The following SVIL variants were observed in gnomAD, a reference collection of about 807,000 sequenced individuals.
SVIL encodes supervillin, also known as archvillin.
In SVIL, 101 loss-of-function variants were observed where a neutral mutation model predicts 240.4. The ratio of observed to expected loss-of-function variants is 0.42; its 90% CI spans 0.36 to 0.50. The LOEUF (loss-of-function observed/expected upper bound fraction) is 0.50. Ranked by LOEUF, SVIL falls within the 20% of genes least tolerant of loss-of-function variation. SVIL has a pLI of 0.01. For synonymous variants in SVIL, 999 were observed against 1,100.0 expected, an observed-to-expected ratio of 0.91 and a Z score of 1.82; for missense variants, 2,512 against 2,818.7, an observed-to-expected ratio of 0.89 and a Z score of 2.46.
Position 29,522,452 on chromosome 10 carries a change from C to A in SVIL, c.3347G>T (p.Gly1116Val). The A allele has an allele frequency of 6.2e-7, 1 of 1,614,148 alleles. No individual in the cohort carries two copies. Among genetic ancestry groups the A allele is most frequent in the Non-Finnish European group, 8.5e-7 (1 of 1,180,030 alleles). Residue 1116 changes from glycine to valine, a missense_variant, in exon 16 of 38, where the codon GGC (glycine) becomes GTC (valine). This residue lies in a region of SVIL where 1,443 missense variants were observed against 1,486.6 expected (regional missense o/e 0.97). Transcript: ENST00000355867. ...GGTTTTGCTGGGTGAGTCAAGAAGG[C>A]CCTCCCCTGTCGGCGTTTTGATCTC... ...AGEIKTPTGE[G>V]LLDSPSKTMS...
chr10:29,475,762 T>C (rs1205297724), intron 29 of SVIL, among the ~76,000 whole-genome samples: 2 of 152,130 alleles, frequency 1.3e-5, no homozygotes, highest in Admixed American at 1.3e-4. Context: ...CAGCAGTTGG[T>C]GGGAACACCC....
At chr10:29,574,875 G>C (rs180811493) in intron 1 of SVIL, among the ~76,000 whole-genome samples, 2 of 152,310 alleles carry the variant, frequency 1.3e-5, no homozygotes, top group African/African-American at 4.8e-5. Context: ...GTCTAGTTTT[G>C]ATCCCACAGA....
At chr10:29,460,807 G>A (rs2132264258) in intron 36 of SVIL, among the ~76,000 whole-genome samples, 1 of 152,302 alleles carries the variant, frequency 6.6e-6, no homozygotes, top group East Asian at 1.9e-4. Context: ...CTGGGAGGCT[G>A]ATGTGGGAGG....
intron 2 of SVIL, among the ~76,000 whole-genome samples, chr10:29,564,660 G>A (rs1480854036): frequency 1.3e-5 from 2 of 151,940 alleles, no homozygotes; most frequent in Admixed American, 1.3e-4. Context: ...CTTCCACACA[G>A]TCCAAAGCAC....
At chr10:29,610,162 A>T (rs966022969) in intron 1 of SVIL, among the ~76,000 whole-genome samples, 1 of 151,816 alleles carries the variant, frequency 6.6e-6, no homozygotes, top group Non-Finnish European at 1.5e-5. Context: ...GTTCTTGCAG[A>T]TCTCTATCTC....
intron 17 of SVIL, among the ~76,000 whole-genome samples, chr10:29,505,267 G>A (rs1414795432): frequency 3.3e-5 from 5 of 151,986 alleles, no homozygotes; most frequent in Non-Finnish European, 5.9e-5. Context: ...TGGAGGTTGC[G>A]GTGAGCTAAG....
At chr10:29,717,300 T>A (rs1963688902) in intron 1 of SVIL, among the ~76,000 whole-genome samples, 1 of 134,598 alleles carries the variant, frequency 7.4e-6, no homozygotes, top group African/African-American at 2.7e-5. Context: ...TTCACAGATA[T>A]CACACACTAT....
chr10:29,469,993 G>C (rs1044815423), intron 32 of SVIL, among the ~76,000 whole-genome samples: 11 of 152,216 alleles, frequency 7.2e-5, no homozygotes, highest in African/African-American at 2.4e-4. Context: ...CAACTATGAA[G>C]AAAGAACCCA....
intron 3 of SVIL, among the ~76,000 whole-genome samples, chr10:29,650,307 T>TG (rs1958795918): frequency 6.6e-6 from 1 of 152,082 alleles, no homozygotes; most frequent in Non-Finnish European, 1.5e-5. Flanking sequence ...TAAAGAAGCG[T>TG]GGGGAAAGAA....
At chr10:29,674,064 A>T (rs532931424) in intron 2 of SVIL, among the ~76,000 whole-genome samples, 1 of 152,274 alleles carries the variant, frequency 6.6e-6, no homozygotes, top group South Asian at 2.1e-4. Context: ...AGCACAGTGG[A>T]TCACACCTGT....
At chr10:29,564,873 C>T (rs1954835694) in intron 2 of SVIL, among the ~76,000 whole-genome samples, 1 of 152,190 alleles carries the variant, frequency 6.6e-6, no homozygotes, top group Admixed American at 6.5e-5. Context: ...TTAGAATTAG[C>T]ACCGACTTCT....
intron 2 of SVIL, among the ~76,000 whole-genome samples, chr10:29,674,066 C>T (rs551274818): frequency 1.3e-5 from 2 of 152,166 alleles, no homozygotes; most frequent in South Asian, 4.1e-4. Flanking sequence ...CACAGTGGAT[C>T]ACACCTGTAA....
At chr10:29,608,462 G>A (rs1221157105) in intron 1 of SVIL, among the ~76,000 whole-genome samples, 1 of 152,232 alleles carries the variant, frequency 6.6e-6, no homozygotes, top group African/African-American at 2.4e-5. Flanking sequence ...AAGCTGGCAG[G>A]ATGGGAGCCT....
chr10:29,500,336 C>G (rs1183968139), intron 17 of SVIL, among the ~76,000 whole-genome samples: 1 of 152,056 alleles, frequency 6.6e-6, no homozygotes, highest in Admixed American at 6.5e-5. Context: ...AGGCACTGGG[C>G]TGGGTGGGGA....
chr10:29,687,473 C>A (rs1961164332), intron 1 of SVIL, among the ~76,000 whole-genome samples: 1 of 152,220 alleles, frequency 6.6e-6, no homozygotes, highest in South Asian at 2.1e-4. Flanking sequence ...AGGTGAATCA[C>A]CTGAGGTCAG....
chr10:29,622,043 G>A (rs1172042977), intron 1 of SVIL, among the ~76,000 whole-genome samples: 1 of 151,666 alleles, frequency 6.6e-6, no homozygotes, highest in Non-Finnish European at 1.5e-5. Flanking sequence ...GAGGTCAGGA[G>A]ATCGAGACCA....
At chr10:29,638,708 T>C (rs1365174968), upstream of SVIL, among the ~76,000 whole-genome samples, 1 of 152,160 alleles carries the variant, frequency 6.6e-6, no homozygotes, top group African/African-American at 2.4e-5. Flanking sequence ...AGTAAAATAT[T>C]TGATACAGAA....
chr10:29,478,122 T>C (rs917559793), intron 29 of SVIL, among the ~76,000 whole-genome samples: 1 of 151,898 alleles, frequency 6.6e-6, no homozygotes, highest in Non-Finnish European at 1.5e-5. Flanking sequence ...GTTCCATTAC[T>C]CCAAAGGTTA....
chr10:29,722,333 G>A (rs1474511065), intron 1 of SVIL, among the ~76,000 whole-genome samples: 1 of 151,966 alleles, frequency 6.6e-6, no homozygotes, highest in South Asian at 2.1e-4. Context: ...AGATTTATCT[G>A]GGAGTAATAA....
Sources: gnomAD v4.1 joint callset for allele counts (sites outside exome capture counted in the v4.1 genomes callset) on GRCh38, gnomAD v4.1.1 for gene constraint, gnomAD v4.1.1 regional missense constraint, MANE v1.5 for transcripts, NCBI Gene and HGNC (gene_info 2026-07-23, HGNC 2026-07-21) for gene names.